PLCB4: variants seen among roughly 807,000 people sequenced by gnomAD.
PLCB4 encodes 1-phosphatidylinositol 4,5-bisphosphate phosphodiesterase beta-4.
PLCB4 carries 77 observed loss-of-function variants against 178.8 expected under a neutral mutation model. The ratio of observed to expected loss-of-function variants is 0.43; its 90% CI spans 0.36 to 0.52. PLCB4 has a LOEUF of 0.52. Ranked by LOEUF, PLCB4 falls within the 20% of genes least tolerant of loss-of-function variation. PLCB4 has a pLI of 0.00. For missense variants in PLCB4, 1,024 were observed against 1,453.4 expected, an observed-to-expected ratio of 0.70 and a Z score of 4.80; for synonymous variants, 496 against 490.8, an observed-to-expected ratio of 1.01 and a Z score of -0.14.
intron 1 of PLCB4, among the ~76,000 whole-genome samples, chr20:9,095,388 C>A (rs769369005): frequency 3.7e-4 from 57 of 152,212 alleles, no homozygotes; most frequent in Non-Finnish European, 5.9e-4. Flanking sequence ...ATATCATTAT[C>A]CCCATTGGAA....
In PLCB4 at chr20:9,225,302, A is replaced by G. The variant is rs375179888; in HGVS notation, c.-16+7850A>G. Among the ~76,000 whole-genome samples the G allele has an allele frequency of 1.3e-3, 194 of 152,360 alleles. 1 individual carries two copies. The South Asian group carries it at 0.021, about 16-fold the overall frequency. ...TAACCATAAATTATAGTAGTGGGAT[A>G]CATTTGAAAACAAAATGTTCATTTC... On this transcript the variant is annotated intron_variant, in intron 3 of 39. Transcript: ENST00000378473.
rs78117262 is a variant in PLCB4, at chr20:9,359,854, C to T, written c.370-3042C>T. 5.5e-3 allele frequency among the ~76,000 whole-genome samples: 830 copies of T among 152,198 alleles called. 3 individuals carry two copies. Among genetic ancestry groups the T allele is most frequent in the African/African-American group, 0.019 (783 of 41,536 alleles). On this transcript the variant is annotated intron_variant, in intron 7 of 39. Coordinates refer to ENST00000378473, the MANE Select transcript of PLCB4 (RefSeq NM_001377142.1). ...TGATAGGCATCTAGTTCACGCCTGG[C>T]GTAACTTTCCAACAAAACTCCAGGG...
intron 3 of PLCB4, among the ~76,000 whole-genome samples, chr20:9,238,214 T>A (rs770945734): frequency 1.3e-4 from 20 of 152,182 alleles, no homozygotes; most frequent in Non-Finnish European, 1.2e-4. Context: ...ATGGATATAG[T>A]GCCAGCATAT....
chr20:9,292,023 C>T (rs991339153), intron 3 of PLCB4, among the ~76,000 whole-genome samples: 6 of 152,056 alleles, frequency 3.9e-5, no homozygotes, highest in Non-Finnish European at 2.9e-5. Context: ...TTGAAGAGCT[C>T]GTTGTGTGTG....
intron 2 of PLCB4, among the ~76,000 whole-genome samples, chr20:9,154,149 G>A (rs901563383): frequency 1.2e-4 from 18 of 152,132 alleles, no homozygotes; most frequent in Non-Finnish European, 7.4e-5. Flanking sequence ...CATGTGCAGC[G>A]AGGAGGGATT....
intron 7 of PLCB4, among the ~76,000 whole-genome samples, chr20:9,343,461 A>G (rs537777140): frequency 6.6e-6 from 1 of 152,134 alleles, no homozygotes; most frequent in Non-Finnish European, 1.5e-5. Context: ...ATAAAATATT[A>G]TCTGAAACCT....
At chr20:9,377,581 G>C (rs898535062) in intron 12 of PLCB4, among the ~76,000 whole-genome samples, 2 of 152,172 alleles carry the variant, frequency 1.3e-5, no homozygotes, top group African/African-American at 4.8e-5. Flanking sequence ...TCTAGTGGGA[G>C]CAGAAGCAAA....
chr20:9,423,683 C>A, intron 27 of PLCB4, 65 bp from the exon 28 acceptor site: 1 of 1,268,202 alleles, frequency 7.9e-7, no homozygotes, highest in Non-Finnish European at 1.1e-6. Context: ...GGTCCACACT[C>A]CTTAGAGTCA....
chr20:9,230,066 T>C (rs572288889), intron 3 of PLCB4, among the ~76,000 whole-genome samples: 1 of 152,234 alleles, frequency 6.6e-6, no homozygotes, highest in African/African-American at 2.4e-5. Context: ...GCAGGTATAG[T>C]TTCTTCTGTG....
At chr20:9,101,115 C>A (rs2091133003) in intron 2 of PLCB4, among the ~76,000 whole-genome samples, 1 of 152,128 alleles carries the variant, frequency 6.6e-6, no homozygotes, top group African/African-American at 2.4e-5. Context: ...TTATGCTCAG[C>A]CCTCAATAGA....
At chr20:9,372,979 A>G in intron 11 of PLCB4, 68 bp from the exon 12 acceptor site, 4 of 694,054 alleles carry the variant, frequency 5.8e-6, no homozygotes, top group Non-Finnish European at 1.0e-5. Flanking sequence ...ACAAATGTCA[A>G]CATGTAAATC....
intron 2 of PLCB4, among the ~76,000 whole-genome samples, chr20:9,154,897 CTCCTTCCCTCCT>C (rs1363524244): frequency 5.3e-5 from 5 of 94,598 alleles, no homozygotes; most frequent in East Asian, 3.3e-4. Flanking sequence ...CCCTCCTTCC[CTCCTTCCCTCCT>C]TCCTTCCTTC....
chr20:9,396,297 C>T (rs899729436), intron 19 of PLCB4, among the ~76,000 whole-genome samples: 3 of 152,140 alleles, frequency 2.0e-5, no homozygotes, highest in African/African-American at 7.2e-5. Flanking sequence ...AGTAGAGAGG[C>T]AAATAATTTA....
chr20:9,458,745 C>A (rs1237714016), intron 34 of PLCB4, among the ~76,000 whole-genome samples: 6 of 152,176 alleles, frequency 3.9e-5, no homozygotes. Context: ...GCTTGCATCA[C>A]ATTTGCTACT....
chr20:9,449,243 C>T (rs1176163555), intron 32 of PLCB4, among the ~76,000 whole-genome samples: 6 of 152,282 alleles, frequency 3.9e-5, no homozygotes, highest in Non-Finnish European at 4.4e-5. Flanking sequence ...CATTAAGAGA[C>T]AGGCATGCTT....
rs1453844787 is a variant in PLCB4 at position 9,148,985 on chromosome 20, G to A, written c.-79+52643G>A. 2.0e-5 allele frequency among the ~76,000 whole-genome samples: 3 copies of A among 152,142 alleles called. No individual in the cohort carries two copies. In the East Asian group the frequency reaches 5.8e-4, roughly 29 times the overall value. On this transcript the variant is annotated intron_variant, in intron 2 of 39. Transcript: ENST00000378473. ...GGAGTATGTGGGCCACTTGGCTTTA[G>A]ACAGATCTGCTTTCTAAATTCTTGT...
At chr20:9,308,105 CCTT>C (rs1175387951) in intron 4 of PLCB4, among the ~76,000 whole-genome samples, 3 of 151,976 alleles carry the variant, frequency 2.0e-5, no homozygotes, top group African/African-American at 7.3e-5. Flanking sequence ...TGCCAGATGA[CCTT>C]CTAAACATTT....
chr20:9,218,653 TTTC>T (rs1263872847), intron 3 of PLCB4, among the ~76,000 whole-genome samples: 1 of 152,196 alleles, frequency 6.6e-6, no homozygotes, highest in Non-Finnish European at 1.5e-5. Flanking sequence ...CGTGGCTGAT[TTTC>T]TTCCGGCCTT....
intron 3 of PLCB4, among the ~76,000 whole-genome samples, chr20:9,225,106 C>T (rs1190824377): frequency 6.6e-6 from 1 of 152,004 alleles, no homozygotes; most frequent in Non-Finnish European, 1.5e-5. Flanking sequence ...GAATGAAGGG[C>T]TAGATATTCA....
Sources: allele counts gnomAD v4.1 joint callset (sites outside exome capture counted in the v4.1 genomes callset), GRCh38; gene constraint gnomAD v4.1.1; transcripts MANE v1.5; gene names NCBI Gene and HGNC (gene_info 2026-07-23, HGNC 2026-07-21).